SRD5A1: variants seen among roughly 807,000 people sequenced by gnomAD.
SRD5A1 encodes steroid 5 alpha-reductase 1, also known as 3-oxo-5-alpha-steroid 4-dehydrogenase 1.
In SRD5A1, 22 loss-of-function variants were observed where a neutral mutation model predicts 28.2. The observed-to-expected ratio is 0.78, with a 90% CI of 0.56 to 1.12. The LOEUF is 1.12. SRD5A1 is among the 50% of genes most tolerant of loss of function. SRD5A1 has a pLI of 0.00. For missense variants in SRD5A1, 300 were observed against 346.7 expected (o/e 0.87, Z 1.07); for synonymous variants, 151 against 135.0 (o/e 1.12, Z -0.82).
In SRD5A1 at chr5:6,633,460, A is replaced by C; in HGVS notation, c.-117A>C. ...AGAACCCTTTCTGCAGAGTCCCGGC[A>C]GTGCGGGACTCCGGTAGCCGCCCCT... On this transcript the variant is annotated 5_prime_UTR_variant, in exon 1 of 5. Transcript: ENST00000274192. The C allele has an allele frequency of 8.6e-7, 1 of 1,160,504 alleles. No individual in the cohort carries two copies. The highest frequency in any genetic ancestry group is 1.1e-6 in the Non-Finnish European group (1 of 875,540). 71.9% of individuals were successfully genotyped at this position (1,160,504 alleles called of 1,614,324 possible).
chr5:6,658,366 A>T lies in SRD5A1; in HGVS notation c.562+2187A>T, dbSNP rs1471517382. Reference sequence around the variant, plus strand: ...TAAAATGTGAATGGAGCAGTTGCAGAGTCTATACCCATCAGCTAAAGAACA... The same window carrying T: ...TAAAATGTGAATGGAGCAGTTGCAGTGTCTATACCCATCAGCTAAAGAACA... On this transcript the variant is annotated intron_variant, in intron 3 of 4. Coordinates refer to ENST00000274192, the MANE Select transcript of SRD5A1 (RefSeq NM_001047.4). Among the ~76,000 whole-genome samples the T allele has an allele frequency of 9.8e-5, 15 of 152,314 alleles. No individual in the cohort carries two copies. In the East Asian group the frequency reaches 2.9e-3, roughly 29 times the overall value.
chr5:6,648,831 A>G (rs1410152697), intron 1 of SRD5A1, among the ~76,000 whole-genome samples: 1 of 152,176 alleles, frequency 6.6e-6, no homozygotes, highest in East Asian at 1.9e-4. Flanking sequence ...GATCCTTTGG[A>G]GGAGAAGAGG....
chr5:6,656,006 A>G (rs1579408471), intron 2 of SRD5A1, 72 bp from the exon 3 acceptor site: 1 of 1,094,068 alleles, frequency 9.1e-7, no homozygotes, highest in Middle Eastern at 2.4e-4. Context: ...AATACTGTTC[A>G]GTCAGGCTGG....
intron 1 of SRD5A1, chr5:6,645,024 C>T (rs180764167): frequency 2.2e-4 from 100 of 455,872 alleles, no homozygotes; most frequent in African/African-American, 1.5e-3. Flanking sequence ...CTGGCCAACA[C>T]GTGCTTTGCT....
At chr5:6,661,039 G>A (rs568386921) in intron 3 of SRD5A1, among the ~76,000 whole-genome samples, 46 of 152,102 alleles carry the variant, frequency 3.0e-4, no homozygotes, top group South Asian at 8.3e-4. Flanking sequence ...TTGTCCTGTG[G>A]GGATCACACT....
intron 1 of SRD5A1, among the ~76,000 whole-genome samples, chr5:6,641,431 G>A (rs896030590): frequency 5.9e-5 from 9 of 152,298 alleles, no homozygotes; most frequent in South Asian, 4.1e-4. Context: ...GGGGCAGAGC[G>A]CTTCCTTGGA....
intron 2 of SRD5A1, chr5:6,653,390 T>C (rs900475255): frequency 3.3e-5 from 5 of 152,232 alleles, no homozygotes; most frequent in African/African-American, 2.4e-5. Flanking sequence ...CCCCCAAATA[T>C]CTTCTTGGTT....
At chr5:6,667,295 T>G (rs371711795) in intron 4 of SRD5A1, among the ~76,000 whole-genome samples, 1 of 152,296 alleles carries the variant, frequency 6.6e-6, no homozygotes, top group Non-Finnish European at 1.5e-5. Context: ...ACATGCCTTT[T>G]TGGGGACACA....
rs772480989 is a variant in SRD5A1, at chr5:6,633,670, C to G, written c.94C>G (p.Arg32Gly). The G allele has an allele frequency of 5.7e-6, 9 of 1,583,500 alleles. No homozygotes were observed. The Admixed American group carries it at 1.2e-4, about 21-fold the overall frequency. Residue 32 changes from arginine (R) to glycine (G), a missense_variant, in exon 1 of 5, where the codon CGT (arginine) becomes GGT (glycine). Around this residue, in one of 2 missense-constraint regions of SRD5A1, gnomAD observed 174 missense variants for 160.9 expected, o/e 1.08. Coordinates refer to ENST00000274192, the MANE Select transcript of SRD5A1 (RefSeq NM_001047.4). ...GGGCTGCGCGGTCTTCGCGCGCAAT[C>G]GTCAGACGAACTCAGTGTACGGCCG... ...AVGCAVFARNRQTNSVYGRHA... is the reference protein window; with the variant it reads ...AVGCAVFARNGQTNSVYGRHA...
intron 1 of SRD5A1, among the ~76,000 whole-genome samples, chr5:6,640,252 TAAAA>T (rs1283279584): frequency 6.6e-6 from 1 of 152,162 alleles, no homozygotes; most frequent in South Asian, 2.1e-4. Flanking sequence ...TTTTGCAGTG[TAAAA>T]AAAGGGCATT....
chr5:6,657,465 C>T (rs1045548970), intron 3 of SRD5A1, among the ~76,000 whole-genome samples: 3 of 152,208 alleles, frequency 2.0e-5, no homozygotes, highest in Non-Finnish European at 4.4e-5. Context: ...GATGGTGGCC[C>T]CCTCGCTTCC....
intron 3 of SRD5A1, among the ~76,000 whole-genome samples, chr5:6,659,324 A>G (rs559304057): frequency 2.0e-4 from 31 of 152,060 alleles, no homozygotes; most frequent in East Asian, 1.4e-3. Context: ...CGTGTTAGCC[A>G]GGATGGTCTC....
intron 1 of SRD5A1, among the ~76,000 whole-genome samples, chr5:6,640,663 T>C (rs768926479): frequency 1.8e-4 from 27 of 152,094 alleles, no homozygotes; most frequent in Non-Finnish European, 3.4e-4. Flanking sequence ...GGCCAAAGCC[T>C]TGTTCTTTGC....
At chr5:6,651,131 T>G (rs1451721748) in intron 1 of SRD5A1, among the ~76,000 whole-genome samples, 1 of 152,100 alleles carries the variant, frequency 6.6e-6, no homozygotes, top group East Asian at 1.9e-4. Context: ...GTGAAAGTGC[T>G]CAGTGAATGG....
intron 1 of SRD5A1, among the ~76,000 whole-genome samples, chr5:6,649,618 C>T (rs970652183): frequency 6.6e-6 from 1 of 152,200 alleles, no homozygotes; most frequent in East Asian, 1.9e-4. Context: ...GAGAAAAGCG[C>T]AGTGTCTGGG....
rs1376388482 is a variant in SRD5A1, at chr5:6,672,380, ATTC to A, written c.*4117_*4119del. 1.3e-5 allele frequency: 2 copies of A among 152,412 alleles called. No individual in the cohort carries two copies. The highest frequency in any genetic ancestry group is 2.9e-5 in the Non-Finnish European group (2 of 68,110). The allele number at this position is 152,412 out of a possible 1,614,324, so 9.4% of individuals were successfully genotyped here. On this transcript the variant is annotated 3_prime_UTR_variant, in exon 5 of 5. Coordinates refer to ENST00000274192, the MANE Select transcript of SRD5A1 (RefSeq NM_001047.4). ...AAGCTGTGCCTCCCGGGTTCAAACA[ATTC>A]TTCTGCCTCAGCCTCCCGAGTAGCT...
intron 4 of SRD5A1, among the ~76,000 whole-genome samples, chr5:6,663,540 G>A (rs1001500613): frequency 6.6e-6 from 1 of 152,072 alleles, no homozygotes; most frequent in Non-Finnish European, 1.5e-5. Context: ...AAAGGCTTGC[G>A]AGCCATTTGA....
intron 1 of SRD5A1, among the ~76,000 whole-genome samples, chr5:6,638,599 C>CACCA (rs1367280064): frequency 1.3e-5 from 2 of 152,238 alleles, no homozygotes; most frequent in Non-Finnish European, 2.9e-5. Context: ...AGACACAAGA[C>CACCA]ACCATCTCAG....
At chr5:6,650,252 A>G (rs1326074762) in intron 1 of SRD5A1, among the ~76,000 whole-genome samples, 2 of 152,078 alleles carry the variant, frequency 1.3e-5, no homozygotes, top group Non-Finnish European at 2.9e-5. Flanking sequence ...TACAAAAAAA[A>G]GTTTTTAAAT....
Sources: allele counts gnomAD v4.1 joint callset (sites outside exome capture counted in the v4.1 genomes callset), GRCh38; gene constraint gnomAD v4.1.1; regional missense constraint gnomAD v4.1.1; transcripts MANE v1.5; gene names NCBI Gene and HGNC (gene_info 2026-07-23, HGNC 2026-07-21).